The following UNC13C variants were observed in gnomAD, a reference collection of about 807,000 sequenced individuals.
UNC13C encodes protein unc-13 homolog C.
UNC13C carries 174 observed loss-of-function variants against 245.4 expected under a neutral mutation model. That is an observed-to-expected ratio of 0.71 (90% CI 0.63 to 0.80). The LOEUF (loss-of-function observed/expected upper bound fraction) is 0.80, where lower values mean the gene tolerates loss of function less well. Ranked by LOEUF, UNC13C falls within the 30% of genes least tolerant of loss-of-function variation. The pLI, the probability that UNC13C is intolerant of heterozygous loss-of-function variation, is 0.00. For synonymous variants in UNC13C, 992 were observed against 895.1 expected (o/e 1.11, Z -1.93); for missense variants, 2,829 against 2,602.9 (o/e 1.09, Z -1.89).
chr15:54,108,293 T>C (rs1180213043), intron 2 of UNC13C, among the ~76,000 whole-genome samples: 1 of 152,130 alleles, frequency 6.6e-6, no homozygotes, highest in Non-Finnish European at 1.5e-5. Context: ...TTCAAGCTAT[T>C]CTCCTGCCTC....
At chr15:54,049,580 A>G (rs1019161162) in intron 2 of UNC13C, 2 of 251,430 alleles carry the variant, frequency 8.0e-6, no homozygotes, top group Non-Finnish European at 1.6e-5. Flanking sequence ...AGTTAATATT[A>G]CTTGAAACTT....
At chr15:54,261,815 T>C (rs2036434629) in intron 8 of UNC13C, among the ~76,000 whole-genome samples, 1 of 152,158 alleles carries the variant, frequency 6.6e-6, no homozygotes, top group Non-Finnish European at 1.5e-5. Context: ...AGTGCTGGGA[T>C]TACAGGCTTG....
chr15:54,508,356 C>T (rs1393893044), intron 23 of UNC13C, among the ~76,000 whole-genome samples: 1 of 151,982 alleles, frequency 6.6e-6, no homozygotes, highest in East Asian at 1.9e-4. Context: ...TTCAGAAAGG[C>T]AAATTAGTTT....
chr15:53,954,545 T>A, the UNC13C span, among the ~76,000 whole-genome samples: 3 of 152,288 alleles, frequency 2.0e-5, no homozygotes, highest in Admixed American at 2.0e-4. Flanking sequence ...TTATGCAGTC[T>A]CCTTTGATGA....
chr15:53,956,271 C>T, the UNC13C span, among the ~76,000 whole-genome samples: 1 of 152,134 alleles, frequency 6.6e-6, no homozygotes, highest in African/African-American at 2.4e-5. Flanking sequence ...CAAACCTCAG[C>T]ATCACGCAAT....
intron 19 of UNC13C, among the ~76,000 whole-genome samples, chr15:54,457,219 G>A (rs561351664): frequency 1.3e-5 from 2 of 152,020 alleles, no homozygotes; most frequent in African/African-American, 4.8e-5. Context: ...TCCATCCTTG[G>A]TATGAAACCC....
chr15:54,402,089 A>C (rs2040199621), intron 18 of UNC13C, among the ~76,000 whole-genome samples: 1 of 151,710 alleles, frequency 6.6e-6, no homozygotes, highest in South Asian at 2.1e-4. Flanking sequence ...AAATGCTTTA[A>C]TTTGAATTCT....
At chr15:54,602,456 C>G (rs966372644) in intron 30 of UNC13C, among the ~76,000 whole-genome samples, 2 of 152,066 alleles carry the variant, frequency 1.3e-5, no homozygotes, top group African/African-American at 4.8e-5. Flanking sequence ...GTTCTAACAT[C>G]AAGGAGCTAG....
intron 30 of UNC13C, among the ~76,000 whole-genome samples, chr15:54,607,731 A>G (rs1035116979): frequency 6.6e-6 from 1 of 152,140 alleles, no homozygotes; most frequent in African/African-American, 2.4e-5. Flanking sequence ...TTTCCATGGC[A>G]GACAGGAGAG....
the UNC13C span, among the ~76,000 whole-genome samples, chr15:53,840,916 A>G: frequency 3.9e-5 from 6 of 152,154 alleles, no homozygotes; most frequent in Non-Finnish European, 7.4e-5. Flanking sequence ...GCATGGGTAC[A>G]TCATCCTAAA....
chr15:53,856,224 A>T, the UNC13C span, among the ~76,000 whole-genome samples: 1 of 151,854 alleles, frequency 6.6e-6, no homozygotes. Context: ...TATTATTATC[A>T]TTATAAAAAA....
downstream of UNC13C, chr15:54,630,891 T>C (rs1179935483): frequency 6.6e-6 from 1 of 152,206 alleles, no homozygotes; most frequent in Non-Finnish European, 1.5e-5. Context: ...AGGATACATA[T>C]ATAATCCTTT....
At chr15:54,600,121 A>G (rs1024737955) in intron 30 of UNC13C, among the ~76,000 whole-genome samples, 5 of 152,080 alleles carry the variant, frequency 3.3e-5, no homozygotes, top group African/African-American at 1.2e-4. Flanking sequence ...TACTCTCCAG[A>G]GTAGTTTATG....
At chr15:53,903,373 T>C in the UNC13C span, among the ~76,000 whole-genome samples, 20 of 152,276 alleles carry the variant, frequency 1.3e-4, no homozygotes, top group Admixed American at 1.3e-4. Flanking sequence ...AAATGTCATT[T>C]GAAATATTTC....
Position 54,623,784 on chromosome 15 carries a change from C to CTTTT in UNC13C, c.6200-6_6200-3dup. 1 of 1,577,802 alleles carries CTTTT rather than the reference C, an allele frequency of 6.3e-7. No homozygotes were observed. The highest frequency in any genetic ancestry group is 8.7e-7 in the Non-Finnish European group (1 of 1,154,524). ...TCTGTTTGCTAAAATGTGATATTTC[C>CTTTT]TTTTTTTTAGTGATTGCTATTAATG... On this transcript the variant is annotated splice_polypyrimidine_tract_variant and intron_variant, in intron 31 of 32. Coordinates refer to ENST00000260323, the MANE Select transcript of UNC13C (RefSeq NM_001080534.3).
At chr15:54,251,375 C>CCT (rs1444964237) in intron 8 of UNC13C, among the ~76,000 whole-genome samples, 1 of 152,106 alleles carries the variant, frequency 6.6e-6, no homozygotes, top group Admixed American at 6.5e-5. Context: ...ACAAAATTTA[C>CCT]CTTAGAGGGT....
At chr15:54,592,863 GT>G (rs56152927) in intron 30 of UNC13C, among the ~76,000 whole-genome samples, 67,219 of 134,038 alleles carry the variant, frequency 0.5, 15,414 homozygotes, top group East Asian at 0.66. Flanking sequence ...TTTGTTTTTT[GT>G]TTTTTTTTTT....
intron 10 of UNC13C, among the ~76,000 whole-genome samples, chr15:54,280,761 C>T (rs1186943655): frequency 5.8e-5 from 6 of 103,710 alleles, no homozygotes; most frequent in African/African-American, 1.0e-4. Context: ...TATACACATA[C>T]ATACATACAT....
intron 30 of UNC13C, among the ~76,000 whole-genome samples, chr15:54,604,461 C>G (rs74014255): frequency 0.028 from 4,253 of 152,154 alleles, 200 homozygotes; most frequent in African/African-American, 0.096. Flanking sequence ...TTATTGTAAA[C>G]ACTTTATTTT....
Sources: gnomAD v4.1 joint callset for allele counts (sites outside exome capture counted in the v4.1 genomes callset) on GRCh38, gnomAD v4.1.1 for gene constraint, MANE v1.5 for transcripts, NCBI Gene and HGNC (gene_info 2026-07-23, HGNC 2026-07-21) for gene names.